OTOGL: variants seen among roughly 807,000 people sequenced by gnomAD.
OTOGL encodes otogelin-like protein.
In OTOGL, 285 loss-of-function variants were observed where a neutral mutation model predicts 318.5. The observed-to-expected ratio is 0.89, with a 90% CI of 0.81 to 0.99. The LOEUF is 0.99. OTOGL is among the 50% of genes least tolerant of loss of function. The pLI is 0.00. For missense variants in OTOGL, 2,899 were observed against 2,845.6 expected, an observed-to-expected ratio of 1.02 and a Z score of -0.43; for synonymous variants, 987 against 936.5, an observed-to-expected ratio of 1.05 and a Z score of -0.99.
At chr12:80,119,599 C>T (rs1397795247) in intron 1 of OTOGL, among the ~76,000 whole-genome samples, 1 of 152,170 alleles carries the variant, frequency 6.6e-6, no homozygotes, top group East Asian at 1.9e-4. Context: ...GCCTAATGCC[C>T]TTAACTTGAC....
At chr12:80,104,787 C>G (rs916669151) in intron 1 of OTOGL, among the ~76,000 whole-genome samples, 3 of 151,974 alleles carry the variant, frequency 2.0e-5, no homozygotes, top group African/African-American at 7.3e-5. Flanking sequence ...TTATTATGAA[C>G]CAAAACATAC....
At chr12:80,370,721 T>C in intron 56 of OTOGL, 32 bp downstream of exon 56, 1 of 1,434,830 alleles carries the variant, frequency 7.0e-7, no homozygotes. Flanking sequence ...AGAAAATTTA[T>C]TATTATATAA....
chr12:80,359,016 G>A (rs1890085950), intron 52 of OTOGL, 116 bp downstream of exon 52: 1 of 832,126 alleles, frequency 1.2e-6, no homozygotes, highest in Non-Finnish European at 1.8e-6. Context: ...ACATTAAATT[G>A]TACTAAAGTA....
At chr12:80,107,407 A>G (rs1218236341) in intron 1 of OTOGL, among the ~76,000 whole-genome samples, 3 of 152,112 alleles carry the variant, frequency 2.0e-5, no homozygotes, top group East Asian at 3.9e-4. Context: ...ATTTTTGGCT[A>G]TTATTAAAGT....
At chr12:80,243,744 TTAGAC>T (rs1565923640) in intron 11 of OTOGL, among the ~76,000 whole-genome samples, 1 of 149,840 alleles carries the variant, frequency 6.7e-6, no homozygotes, top group East Asian at 1.9e-4. Context: ...GTCGAAGCCC[TTAGAC>T]TATAGAATTA....
intron 1 of OTOGL, among the ~76,000 whole-genome samples, chr12:80,160,557 G>A (rs1205896393): frequency 6.6e-6 from 1 of 152,060 alleles, no homozygotes; most frequent in African/African-American, 2.4e-5. Context: ...TGCATGAATA[G>A]CCATAATCAA....
intron 52 of OTOGL, among the ~76,000 whole-genome samples, chr12:80,363,594 A>G (rs766471253): frequency 3.3e-5 from 5 of 152,166 alleles, no homozygotes; most frequent in Non-Finnish European, 7.4e-5. Context: ...TGAAGGTTTC[A>G]AGTCTTGCAC....
chr12:80,356,282 T>C, intron 47 of OTOGL, 134 bp from the exon 48 acceptor site: 1 of 672,510 alleles, frequency 1.5e-6, no homozygotes, highest in Non-Finnish European at 2.5e-6. Context: ...TTAACTGCAG[T>C]GTAAAAACAT....
chr12:80,293,932 G>A (rs1245794760), intron 26 of OTOGL, among the ~76,000 whole-genome samples: 4 of 152,068 alleles, frequency 2.6e-5, no homozygotes, highest in African/African-American at 9.7e-5. Context: ...AGGGGCTGGG[G>A]CTATGACAGG....
intron 13 of OTOGL, 144 bp downstream of exon 13, chr12:80,252,345 G>GTGAC (rs1006891104): frequency 1.1e-6 from 1 of 886,792 alleles, no homozygotes; most frequent in African/African-American, 1.8e-5. Flanking sequence ...GGTCCTTGAA[G>GTGAC]TGACAAGGAG....
chr12:80,232,223 A>C (rs1222355079), intron 8 of OTOGL, among the ~76,000 whole-genome samples: 1 of 152,192 alleles, frequency 6.6e-6, no homozygotes. Context: ...CAATTTAAAA[A>C]TTTTGAGTAT....
chr12:80,193,371 C>G (rs2137266825), intron 1 of OTOGL, among the ~76,000 whole-genome samples: 1 of 152,114 alleles, frequency 6.6e-6, no homozygotes, highest in East Asian at 1.9e-4. Flanking sequence ...CAAAAGTTAG[C>G]TGGGCATGGT....
Position 80,358,733 on chromosome 12 carries a change from A to G in OTOGL, c.6184A>G (p.Lys2062Glu). 1 of 1,613,122 alleles carries G rather than the reference A, an allele frequency of 6.2e-7. No individual in the cohort carries two copies. The highest frequency in any genetic ancestry group is 8.5e-7 in the Non-Finnish European group (1 of 1,179,368). Reference sequence around the variant, plus strand: ...CTGTGCAGAAGATATGAATCTTGTGAAAGAAAATGTATCTGGTCAATGTTG... The same window carrying G: ...CTGTGCAGAAGATATGAATCTTGTGGAAGAAAATGTATCTGGTCAATGTTG... ...LNCAEDMNLVKENVSGQCCPT... is the reference protein window; with the variant it reads ...LNCAEDMNLVEENVSGQCCPT... Residue 2062 changes from lysine (K) to glutamate (E), a missense_variant, in exon 51 of 59, where the codon AAA (lysine) becomes GAA (glutamate). Transcript: ENST00000547103.
intron 1 of OTOGL, among the ~76,000 whole-genome samples, chr12:80,161,018 G>A (rs1224096949): frequency 1.3e-5 from 2 of 152,078 alleles, no homozygotes; most frequent in Non-Finnish European, 1.5e-5. Flanking sequence ...ATTCATAAGT[G>A]GGAGTTAAGC....
intron 1 of OTOGL, among the ~76,000 whole-genome samples, chr12:80,151,667 T>C (rs1592499167): frequency 6.6e-6 from 1 of 152,322 alleles, no homozygotes; most frequent in Non-Finnish European, 1.5e-5. Flanking sequence ...CTCCTTTAGA[T>C]AGACACCTTG....
intron 35 of OTOGL, 146 bp downstream of exon 35, chr12:80,323,986 G>A (rs1887521636): frequency 6.0e-6 from 4 of 671,038 alleles, no homozygotes; most frequent in Middle Eastern, 2.6e-4. Flanking sequence ...CTTAAATCAA[G>A]AAGTAGTTAT....
At chr12:80,297,032 T>G in intron 27 of OTOGL, 71 bp downstream of exon 27, 1 of 1,327,878 alleles carries the variant, frequency 7.5e-7, no homozygotes, top group South Asian at 1.7e-5. Flanking sequence ...TAGAAATGAT[T>G]TGGTCTACTC....
chr12:80,356,411 T>C lies in OTOGL; in HGVS notation c.5807-5T>C. The C allele has an allele frequency of 1.2e-6, 2 of 1,602,354 alleles. No homozygotes were observed. The highest frequency in any genetic ancestry group is 8.5e-7 in the Non-Finnish European group (1 of 1,173,192). ...TAATATTTTAACAGTTTTTCTTATT[T>C]ATAGGATGTGACACGACTTTGTGTG... On this transcript the variant is annotated splice_region_variant and splice_polypyrimidine_tract_variant and intron_variant, in intron 47 of 58. Transcript: ENST00000547103.
rs1565913580 is a variant in OTOGL at position 80,229,238 on chromosome 12, T to C, written c.490-19T>C. On this transcript the variant is annotated intron_variant, in intron 7 of 58. Transcript: ENST00000547103. Reference sequence around the variant, plus strand: ...TATTGTTTGTTCCTATGCTTTCTTTTTGTTTTTCTCCCTTTAAGGTTCATA... The same window carrying C: ...TATTGTTTGTTCCTATGCTTTCTTTCTGTTTTTCTCCCTTTAAGGTTCATA... The C allele has an allele frequency of 1.3e-6, 2 of 1,591,842 alleles. No homozygotes were observed. The highest frequency in any genetic ancestry group is 8.5e-7 in the Non-Finnish European group (1 of 1,174,036).
Sources: gnomAD v4.1 joint callset for allele counts (sites outside exome capture counted in the v4.1 genomes callset) on GRCh38, gnomAD v4.1.1 for gene constraint, MANE v1.5 for transcripts, NCBI Gene and HGNC (gene_info 2026-07-23, HGNC 2026-07-21) for gene names.